The following PALLD variants were observed in gnomAD, a reference collection of about 807,000 sequenced individuals.
PALLD encodes palladin.
A neutral mutation model predicts 123.5 loss-of-function variants in PALLD; 61 were observed. That is an observed-to-expected ratio of 0.49 (90% CI 0.40 to 0.61). The LOEUF (loss-of-function observed/expected upper bound fraction) is 0.61, where lower values mean the gene tolerates loss of function less well. Ranked by LOEUF, PALLD falls within the 20% of genes least tolerant of loss-of-function variation. PALLD has a pLI of 0.00. For synonymous variants in PALLD, 465 were observed against 496.4 expected (o/e 0.94, Z 0.84); for missense variants, 1,273 against 1,377.0 (o/e 0.92, Z 1.20).
At chr4:168,689,685 C>T (rs767953543) in intron 6 of PALLD, among the ~76,000 whole-genome samples, 8 of 151,548 alleles carry the variant, frequency 5.3e-5, no homozygotes, top group East Asian at 1.9e-4. Flanking sequence ...TGACCCTAGG[C>T]GACCCACCCA....
intron 8 of PALLD, among the ~76,000 whole-genome samples, chr4:168,693,356 G>C (rs1782833724): frequency 6.6e-6 from 1 of 152,142 alleles, no homozygotes; most frequent in South Asian, 2.1e-4. Flanking sequence ...CTAAACTATA[G>C]TTTTGATTGT....
intron 2 of PALLD, among the ~76,000 whole-genome samples, chr4:168,553,387 C>A (rs917897905): frequency 1.3e-5 from 2 of 152,152 alleles, no homozygotes; most frequent in Admixed American, 1.3e-4. Flanking sequence ...TAAGGTAATT[C>A]ATTTATAAGA....
At chr4:168,891,267 A>G (rs936266919) in intron 11 of PALLD, among the ~76,000 whole-genome samples, 6 of 152,132 alleles carry the variant, frequency 3.9e-5, no homozygotes, top group African/African-American at 9.7e-5. Context: ...GGCTCAAACA[A>G]TCCTGTGACC....
intron 20 of PALLD, 38 bp from the exon 21 acceptor site, chr4:168,925,195 A>G: frequency 6.4e-7 from 1 of 1,557,872 alleles, no homozygotes; most frequent in East Asian, 2.4e-5. Flanking sequence ...TATTTGTCAA[A>G]AAAATTCATA....
At chr4:168,889,000 ACTGGT>A (rs1457319347) in intron 10 of PALLD, among the ~76,000 whole-genome samples, 1 of 152,088 alleles carries the variant, frequency 6.6e-6, no homozygotes, top group Non-Finnish European at 1.5e-5. Flanking sequence ...TGTTCCCAGC[ACTGGT>A]GGGTGAAACC....
intron 2 of PALLD, among the ~76,000 whole-genome samples, chr4:168,554,540 A>G (rs994064719): frequency 6.6e-6 from 1 of 152,178 alleles, no homozygotes; most frequent in Non-Finnish European, 1.5e-5. Flanking sequence ...TGTTACCTGT[A>G]TTTTTAGAAT....
chr4:168,586,927 G>A (rs1349765092), intron 2 of PALLD, among the ~76,000 whole-genome samples: 1 of 152,158 alleles, frequency 6.6e-6, no homozygotes, highest in Non-Finnish European at 1.5e-5. Context: ...CATGCGATAA[G>A]AGAGTGAGTA....
chr4:168,780,350 T>A lies in PALLD; in HGVS notation c.1964+68427T>A, dbSNP rs538893044. Among the ~76,000 whole-genome samples the A allele has an allele frequency of 3.3e-5, 5 of 152,348 alleles. No homozygotes were observed. The South Asian group carries it at 1.0e-3, about 32-fold the overall frequency. On this transcript the variant is annotated intron_variant, in intron 10 of 21. Coordinates refer to ENST00000505667, the MANE Select transcript of PALLD (RefSeq NM_001166108.2). ...GGCACACACAGCTGCCCCTTGGCAA[T>A]AAGATGCAGTCCCTGACTAATGCAG...
At chr4:168,792,565 G>A (rs536599359) in intron 10 of PALLD, among the ~76,000 whole-genome samples, 2 of 151,820 alleles carry the variant, frequency 1.3e-5, no homozygotes, top group Admixed American at 6.6e-5. Flanking sequence ...CTCAACTCAA[G>A]CCTCCCACTC....
chr4:168,761,638 GTTGTTTGTTTT>G (rs1732850705), intron 10 of PALLD, among the ~76,000 whole-genome samples: 2 of 19,532 alleles, frequency 1.0e-4, no homozygotes, highest in African/African-American at 3.6e-4. Context: ...TTTTGTTGTT[GTTGTTTGTTTT>G]TTTTTTTTTT....
At chr4:168,828,504 T>C (rs1743731943) in intron 10 of PALLD, among the ~76,000 whole-genome samples, 1 of 152,210 alleles carries the variant, frequency 6.6e-6, no homozygotes, top group Non-Finnish European at 1.5e-5. Flanking sequence ...GATCAATCAG[T>C]CGATTGATAA....
At chr4:168,845,812 G>A (rs1392751) in intron 10 of PALLD, among the ~76,000 whole-genome samples, 19,828 of 152,226 alleles carry the variant, frequency 0.13, 1,383 homozygotes, top group Middle Eastern at 0.2. Context: ...GTAAAGCCAC[G>A]GTTTTAAATA....
chr4:168,793,835 A>T (rs1737996561), intron 10 of PALLD, among the ~76,000 whole-genome samples: 1 of 152,174 alleles, frequency 6.6e-6, no homozygotes, highest in Admixed American at 6.6e-5. Flanking sequence ...TTCAGATAGA[A>T]GTCTTCCCAT....
intron 2 of PALLD, among the ~76,000 whole-genome samples, chr4:168,546,605 C>T (rs1345063954): frequency 6.6e-6 from 1 of 152,130 alleles, no homozygotes; most frequent in Non-Finnish European, 1.5e-5. Flanking sequence ...CATAGACATC[C>T]TGCAGGTCTT....
At chr4:168,717,921 A>C (rs1473964170) in intron 10 of PALLD, among the ~76,000 whole-genome samples, 1 of 152,194 alleles carries the variant, frequency 6.6e-6, no homozygotes, top group Non-Finnish European at 1.5e-5. Flanking sequence ...ATGAAAAATG[A>C]GACATTCGGA....
At chr4:168,577,532 T>A (rs1385202479) in intron 2 of PALLD, among the ~76,000 whole-genome samples, 1 of 152,120 alleles carries the variant, frequency 6.6e-6, no homozygotes, top group Non-Finnish European at 1.5e-5. Context: ...TTAATTCAGG[T>A]TTTTCTTACA....
chr4:168,583,839 T>C (rs1770536598), intron 2 of PALLD, among the ~76,000 whole-genome samples: 1 of 152,210 alleles, frequency 6.6e-6, no homozygotes, highest in Non-Finnish European at 1.5e-5. Context: ...TTCTCAGGTC[T>C]ACTTTCCTTC....
At chr4:168,830,607 A>G (rs1744069901) in intron 10 of PALLD, among the ~76,000 whole-genome samples, 1 of 152,234 alleles carries the variant, frequency 6.6e-6, no homozygotes, top group Admixed American at 6.5e-5. Context: ...ACACATCCAA[A>G]AGCCTGGAGG....
At chr4:168,571,094 C>A (rs571826056) in intron 2 of PALLD, among the ~76,000 whole-genome samples, 10 of 152,174 alleles carry the variant, frequency 6.6e-5, no homozygotes, top group African/African-American at 1.9e-4. Flanking sequence ...ACATAGAGAG[C>A]TTTTAAAACC....
Sources: allele counts gnomAD v4.1 joint callset (sites outside exome capture counted in the v4.1 genomes callset), GRCh38; gene constraint gnomAD v4.1.1; transcripts MANE v1.5; gene names NCBI Gene and HGNC (gene_info 2026-07-23, HGNC 2026-07-21).